BRAF: variants seen among roughly 807,000 people sequenced by gnomAD.
BRAF encodes the protein serine/threonine-protein kinase B-raf.
BRAF carries 16 observed loss-of-function variants against 104.6 expected under a neutral mutation model. That is an observed-to-expected ratio of 0.15 (90% CI 0.10 to 0.23). The LOEUF is 0.23. Among genes scored for constraint, BRAF ranks in the 10% least tolerant of loss-of-function variants. BRAF has a pLI of 1.00. For synonymous variants in BRAF, 310 were observed against 341.6 expected, an observed-to-expected ratio of 0.91 and a Z score of 1.02; for missense variants, 541 against 937.3, an observed-to-expected ratio of 0.58 and a Z score of 5.52.
At chr7:140,806,340 ATCT>A (rs1319616285) in intron 5 of BRAF, among the ~76,000 whole-genome samples, 1 of 152,152 alleles carries the variant, frequency 6.6e-6, no homozygotes, top group African/African-American at 2.4e-5. Context: ...AATTTATTAA[ATCT>A]TCTCTCTACT....
intron 1 of BRAF, among the ~76,000 whole-genome samples, chr7:140,891,499 T>C (rs978969349): frequency 6.6e-6 from 1 of 152,222 alleles, no homozygotes; most frequent in Non-Finnish European, 1.5e-5. Flanking sequence ...TGTATTTGTA[T>C]TATTGTATTA....
At position 140,883,825 on chromosome 7, in the gene BRAF, G is replaced by C. The variant is rs185104999; in HGVS notation, c.139-33613C>G. On this transcript the variant is annotated intron_variant, in intron 1 of 19. Transcript: ENST00000644969. Reference sequence around the variant, plus strand: ...TCTGTTCTGGTCACTTATGAATCAGGTCACATACATTAGTTCATTAAATCA... The same window carrying C: ...TCTGTTCTGGTCACTTATGAATCAGCTCACATACATTAGTTCATTAAATCA... Among the ~76,000 whole-genome samples the C allele has an allele frequency of 1.1e-4, 16 of 152,252 alleles. No homozygotes were observed. The South Asian group carries it at 1.5e-3, about 14-fold the overall frequency.
At chr7:140,776,865 A>G (rs1800380873) in intron 14 of BRAF, 47 bp downstream of exon 13, 1 of 1,567,446 alleles carries the variant, frequency 6.4e-7, no homozygotes, top group African/African-American at 1.4e-5. Context: ...AACATCCTCA[A>G]TGGTCTTCAA....
At chr7:140,768,246 C>T (rs975997511) in intron 14 of BRAF, among the ~76,000 whole-genome samples, 3 of 103,682 alleles carry the variant, frequency 2.9e-5, no homozygotes, top group Non-Finnish European at 5.7e-5. Flanking sequence ...CATATTTCCT[C>T]GTAACATGAT....
rs397507458 is a variant in BRAF, at chr7:140,924,603, GCGGCGCCGGCGC to G, written c.89_100del (p.Gly30_Ala33del). On this transcript the variant is annotated inframe_deletion, in exon 1 of 20. Coordinates refer to ENST00000644969, the MANE Select transcript of BRAF (RefSeq NM_001374258.1). The surrounding 1 kb of genome is among the most constrained non-coding windows in gnomAD (Gnocchi z 4.2). ...GGCAGGGTCCGCAGCCGAAGAGGCC[GCGGCGCCGGCGC>G]CGGCGCCGGCCTCGGGCTCCATGTC... is the stretch of plus-strand genomic sequence containing the variant. The G allele has an allele frequency of 4.3e-5, 66 of 1,528,870 alleles. No individual in the cohort carries two copies. The highest frequency in any genetic ancestry group is 4.3e-4 in the African/African-American group (31 of 72,396). The allele number at this position is 1,528,870 out of a possible 1,614,324, so 94.7% of individuals were successfully genotyped here.
At chr7:140,791,435 G>C (rs997182755) in intron 8 of BRAF, among the ~76,000 whole-genome samples, 21 of 152,024 alleles carry the variant, frequency 1.4e-4, no homozygotes, top group African/African-American at 5.1e-4. Flanking sequence ...GTTATCTGGG[G>C]CTAGACTTAG....
chr7:140,880,962 C>T (rs1352278651), intron 1 of BRAF, among the ~76,000 whole-genome samples: 3 of 151,888 alleles, frequency 2.0e-5, no homozygotes, highest in Admixed American at 6.6e-5. Flanking sequence ...TGTCTCAAAA[C>T]AAAAAAAGCA....
chr7:140,808,092 G>A, intron 4 of BRAF, 30 bp from the exon 5 acceptor site: 2 of 1,518,254 alleles, frequency 1.3e-6, no homozygotes. Flanking sequence ...GCCTTTCTTG[G>A]TTATTACACC....
intron 17 of BRAF, among the ~76,000 whole-genome samples, chr7:140,742,435 C>G (rs964047431): frequency 3.9e-5 from 6 of 151,984 alleles, no homozygotes; most frequent in African/African-American, 1.2e-4. Flanking sequence ...CTCAAGTGAT[C>G]CACCCGCCTC....
chr7:140,725,700 A>G lies in BRAF; in HGVS notation c.*794T>C. The stretch of plus-strand genomic sequence containing the variant: ...CTGAGAATTTGCTACATTGTGGAGG[A>G]AAAAAAAAAAACCCAAACACTTATC... On this transcript the variant is annotated 3_prime_UTR_variant, in exon 20 of 20. Transcript: ENST00000644969. The G allele has an allele frequency of 1.7e-5, 7 of 415,290 alleles. No individual in the cohort carries two copies. Among genetic ancestry groups the G allele is most frequent in the Non-Finnish European group, 1.2e-5 (4 of 324,528 alleles). The allele number at this position is 415,290 out of a possible 1,614,324, so 25.7% of individuals were successfully genotyped here. A position where few individuals can be genotyped will look rare whatever the true frequency, so the allele number is the denominator to read the frequency against.
In BRAF at chr7:140,913,469, CTTTTTT is replaced by C. The variant is rs369746551; in HGVS notation, c.138+11091_138+11096del. The stretch of plus-strand genomic sequence containing the variant: ...ATGACAAAGCAAATGTTAATCACAG[CTTTTTT>C]TTTTTTTTTTTTTTTTTTTTTTTTG... On this transcript the variant is annotated intron_variant, in intron 1 of 19. Coordinates refer to ENST00000644969, the MANE Select transcript of BRAF (RefSeq NM_001374258.1). Among the ~76,000 whole-genome samples, 11 of 56,996 alleles carry C rather than the reference CTTTTTT, an allele frequency of 1.9e-4. No homozygotes were observed. The East Asian group carries it at 2.7e-3, about 14-fold the overall frequency. The allele number at this position is 56,996 out of a possible 152,430, so 37.4% of individuals were successfully genotyped here.
rs142705260 is a variant in BRAF at position 140,875,278 on chromosome 7, A to G, written c.139-25066T>C. 1.5e-3 allele frequency among the ~76,000 whole-genome samples: 231 copies of G among 152,358 alleles called. 1 individual carries two copies. The Middle Eastern group carries it at 0.017, about 11-fold the overall frequency. On this transcript the variant is annotated intron_variant, in intron 1 of 19. Transcript: ENST00000644969. Reference sequence around the variant, plus strand: ...CTTCCCAAATCTGACAAATGACATAAAACTACAGATTCAAAAAGGTCGGTG... The same window carrying G: ...CTTCCCAAATCTGACAAATGACATAGAACTACAGATTCAAAAAGGTCGGTG...
intron 1 of BRAF, among the ~76,000 whole-genome samples, chr7:140,860,474 AAAAAAAAG>A (rs1422583075): frequency 6.8e-6 from 1 of 146,390 alleles, no homozygotes; most frequent in Non-Finnish European, 1.5e-5. Flanking sequence ...AGAAAAAAAA[AAAAAAAAG>A]AAAAAAAAGA....
At chr7:140,914,835 C>T (rs911242235) in intron 1 of BRAF, among the ~76,000 whole-genome samples, 2 of 151,528 alleles carry the variant, frequency 1.3e-5, no homozygotes, top group Admixed American at 6.6e-5. Context: ...GTCAGGAGAT[C>T]GAGACCATCC....
intron 3 of BRAF, among the ~76,000 whole-genome samples, chr7:140,831,896 C>T (rs973385888): frequency 3.9e-5 from 6 of 152,172 alleles, no homozygotes; most frequent in Non-Finnish European, 8.8e-5. Context: ...ACCCAAGAGG[C>T]AAATCCACTT....
the BRAF span, among the ~76,000 whole-genome samples, chr7:140,713,353 C>G: frequency 6.6e-6 from 1 of 152,152 alleles, no homozygotes; most frequent in Non-Finnish European, 1.5e-5. Flanking sequence ...TGCTTCATTT[C>G]ATTCATTTCA....
chr7:140,863,625 T>C (rs1586450514), intron 1 of BRAF, among the ~76,000 whole-genome samples: 1 of 152,226 alleles, frequency 6.6e-6, no homozygotes, highest in Non-Finnish European at 1.5e-5. Flanking sequence ...TGGAGGTGAC[T>C]AGATCATGGG....
intron 14 of BRAF, among the ~76,000 whole-genome samples, chr7:140,766,824 A>C (rs761751462): frequency 7.2e-5 from 11 of 152,188 alleles, no homozygotes; most frequent in Non-Finnish European, 1.6e-4. Context: ...TGCTTGGATT[A>C]CAAGTGTGAG....
chr7:140,715,501 C>G (rs1795112218), downstream of BRAF, among the ~76,000 whole-genome samples: 1 of 152,296 alleles, frequency 6.6e-6, no homozygotes, highest in African/African-American at 2.4e-5. Flanking sequence ...AGAATACAAT[C>G]TACAACAGTG....
Sources: allele counts gnomAD v4.1 joint callset (sites outside exome capture counted in the v4.1 genomes callset), GRCh38; gene constraint gnomAD v4.1.1; non-coding constraint Gnocchi (gnomAD v3.1); transcripts MANE v1.5; gene names NCBI Gene and HGNC (gene_info 2026-07-23, HGNC 2026-07-21).